The following CFAP20DC variants were observed in gnomAD, a reference collection of about 807,000 sequenced individuals.
CFAP20DC encodes the protein CFAP20 domain containing.
Under a neutral mutation model 101.7 loss-of-function variants are expected in CFAP20DC, and 84 were observed. The ratio of observed to expected loss-of-function variants is 0.83; its 90% CI spans 0.69 to 0.99. The LOEUF (loss-of-function observed/expected upper bound fraction) is 0.99. CFAP20DC is among the 50% of genes least tolerant of loss of function. The pLI, the probability that CFAP20DC is intolerant of heterozygous loss-of-function variation, is 0.00. For synonymous variants in CFAP20DC, 359 were observed against 351.2 expected (o/e 1.02, Z -0.25); for missense variants, 1,007 against 970.3 (o/e 1.04, Z -0.50).
At chr3:58,736,276 G>A (rs182835224) in intron 3 of CFAP20DC, among the ~76,000 whole-genome samples, 1 of 152,252 alleles carries the variant, frequency 6.6e-6, no homozygotes, top group East Asian at 1.9e-4. Flanking sequence ...AACTGAGTTG[G>A]CTAAAAGGTT....
chr3:58,851,898 T>C (rs1228931360), intron 12 of CFAP20DC, among the ~76,000 whole-genome samples: 1 of 152,174 alleles, frequency 6.6e-6, no homozygotes, highest in Non-Finnish European at 1.5e-5. Context: ...AGTAGGAGCA[T>C]TGTCGTGGTG....
chr3:58,981,679 T>A (rs181938473), intron 4 of CFAP20DC, among the ~76,000 whole-genome samples: 2 of 152,316 alleles, frequency 1.3e-5, no homozygotes, highest in African/African-American at 4.8e-5. Flanking sequence ...ACTGGATCAC[T>A]TCCTTACACC....
rs184354688 is a variant in CFAP20DC at position 58,807,213 on chromosome 3, T to G, written c.2176-757A>C. The stretch of plus-strand genomic sequence containing the variant: ...TGTCTGACAGCTTTGAAGAGAGCAG[T>G]GGTTCTCCCAGCACGCAGCTGGAGA... On this transcript the variant is annotated intron_variant, in intron 14 of 16. Coordinates refer to ENST00000482387, the MANE Select transcript of CFAP20DC (RefSeq NM_001394063.1). 8.0e-3 allele frequency among the ~76,000 whole-genome samples: 1,215 copies of G among 152,294 alleles called. 17 individuals are homozygous for G. The highest frequency in any genetic ancestry group is 0.028 in the African/African-American group (1,161 of 41,556).
chr3:58,772,657 C>G (rs1209100580), intron 15 of CFAP20DC, among the ~76,000 whole-genome samples: 1 of 152,088 alleles, frequency 6.6e-6, no homozygotes, highest in Non-Finnish European at 1.5e-5. Flanking sequence ...TCTACAGCAA[C>G]AAAGAGCTGG....
At chr3:58,883,917 G>A (rs1242504957) in intron 7 of CFAP20DC, among the ~76,000 whole-genome samples, 1 of 152,112 alleles carries the variant, frequency 6.6e-6, no homozygotes, top group Non-Finnish European at 1.5e-5. Flanking sequence ...TCATTAATTT[G>A]GTCAACAGCT....
chr3:59,022,758 C>A (rs2093826138), intron 4 of CFAP20DC, among the ~76,000 whole-genome samples: 1 of 151,984 alleles, frequency 6.6e-6, no homozygotes, highest in Admixed American at 6.6e-5. Flanking sequence ...CTAATGTGTT[C>A]TAATAAACAA....
In CFAP20DC at chr3:58,790,158, G is replaced by A. The variant is rs940018341; in HGVS notation, c.2237+16237C>T. Among the ~76,000 whole-genome samples the A allele has an allele frequency of 5.9e-5, 9 of 152,226 alleles. No individual in the cohort carries two copies. In the East Asian group the frequency reaches 9.6e-4, roughly 16 times the overall value. ...CCCACCTGGGTCAAGAGGTAAAAGCGTCCCTTCCTCCTTCTTCTAATTATT... is the reference window on the plus strand; with the variant it reads ...CCCACCTGGGTCAAGAGGTAAAAGCATCCCTTCCTCCTTCTTCTAATTATT... On this transcript the variant is annotated intron_variant, in intron 15 of 16. Transcript: ENST00000482387.
At chr3:58,860,667 A>C (rs2079172333) in intron 12 of CFAP20DC, among the ~76,000 whole-genome samples, 1 of 152,244 alleles carries the variant, frequency 6.6e-6, no homozygotes, top group African/African-American at 2.4e-5. Context: ...AAATATTAAC[A>C]TAAGGCTAAT....
intron 4 of CFAP20DC, among the ~76,000 whole-genome samples, chr3:59,037,435 T>TA (rs534904847): frequency 0.078 from 9,634 of 124,098 alleles, 281 homozygotes; most frequent in Middle Eastern, 0.11. Context: ...CAATTTACAA[T>TA]AAAAAAAAAA....
chr3:58,967,589 A>G (rs2091658623), intron 4 of CFAP20DC, among the ~76,000 whole-genome samples: 1 of 152,228 alleles, frequency 6.6e-6, no homozygotes, highest in Admixed American at 6.5e-5. Flanking sequence ...GAATGGGAGG[A>G]AATTTTTACA....
At chr3:58,908,106 G>GA (rs1438559792) in intron 6 of CFAP20DC, among the ~76,000 whole-genome samples, 1 of 151,946 alleles carries the variant, frequency 6.6e-6, no homozygotes, top group Non-Finnish European at 1.5e-5. Flanking sequence ...AAAATTATAA[G>GA]AAAAAAATCA....
In CFAP20DC at chr3:58,859,933, C is replaced by T. The variant is rs62252894; in HGVS notation, c.1593+3625G>A. On this transcript the variant is annotated intron_variant, in intron 12 of 16. Coordinates refer to ENST00000482387, the MANE Select transcript of CFAP20DC (RefSeq NM_001394063.1). This position sits in a 1 kb window ranked among gnomAD's most constrained non-coding sequence, Gnocchi z 4.1. ...ATGGCTCATGCCTGTAATCCCAGCACTTTCGGAAGCCGAGGCAGGCAGATC... is the reference window on the plus strand; with the variant it reads ...ATGGCTCATGCCTGTAATCCCAGCATTTTCGGAAGCCGAGGCAGGCAGATC... Among the ~76,000 whole-genome samples the T allele has an allele frequency of 6.2e-3, 947 of 152,180 alleles. 9 individuals are homozygous for T. The highest frequency in any genetic ancestry group is 0.01 in the Non-Finnish European group (711 of 68,008).
At chr3:58,777,430 T>G (rs2071434506) in intron 15 of CFAP20DC, among the ~76,000 whole-genome samples, 1 of 152,178 alleles carries the variant, frequency 6.6e-6, no homozygotes, top group Non-Finnish European at 1.5e-5. Flanking sequence ...TTTGGCAAAA[T>G]AAACTTCCTA....
intron 14 of CFAP20DC, among the ~76,000 whole-genome samples, chr3:58,818,613 C>T (rs1449402068): frequency 2.3e-4 from 34 of 145,740 alleles, no homozygotes; most frequent in African/African-American, 8.5e-4. Context: ...TATATGCACC[C>T]AATACAGGAG....
rs1050842672 is a variant in CFAP20DC, at chr3:58,728,240, C to T, written c.198-10612G>A. ...GTAACATGTTATTATAATTAAATAA[C>T]GTAATAATGTAATGGGACTGCCTTG... On this transcript the variant is annotated intron_variant, in intron 3 of 3. Coordinates refer to the CFAP20DC transcript ENST00000486145. This position sits in a 1 kb window ranked among gnomAD's most constrained non-coding sequence, Gnocchi z 4.7. 5.3e-5 allele frequency: 8 copies of T among 152,270 alleles called. No individual in the cohort carries two copies. In the East Asian group the frequency reaches 9.6e-4, roughly 18 times the overall value. The allele number at this position is 152,270 out of a possible 1,614,324, so 9.4% of individuals were successfully genotyped here. A position where few individuals can be genotyped will look rare whatever the true frequency, so the allele number is the denominator to read the frequency against.
chr3:58,939,485 G>A (rs976625725), intron 4 of CFAP20DC, among the ~76,000 whole-genome samples: 2 of 152,078 alleles, frequency 1.3e-5, no homozygotes, highest in African/African-American at 4.8e-5. Flanking sequence ...TTGAGACAGA[G>A]TCTAGCTCTG....
intron 12 of CFAP20DC, among the ~76,000 whole-genome samples, chr3:58,858,352 T>C (rs186846504): frequency 1.0e-3 from 157 of 152,290 alleles, no homozygotes; most frequent in Non-Finnish European, 1.4e-3. Flanking sequence ...ATGAGAATGA[T>C]TTCCCCAAGG....
chr3:58,889,903 A>G (rs1235180630), intron 6 of CFAP20DC, among the ~76,000 whole-genome samples: 10 of 126,482 alleles, frequency 7.9e-5, no homozygotes, highest in Non-Finnish European at 1.3e-4. Context: ...CCAAGGCAGA[A>G]GAATTTTTCT....
intron 4 of CFAP20DC, among the ~76,000 whole-genome samples, chr3:59,011,285 C>G (rs1388472642): frequency 6.6e-6 from 1 of 151,948 alleles, no homozygotes; most frequent in Non-Finnish European, 1.5e-5. Flanking sequence ...GTAGTCCCAG[C>G]TACTCGGGAG....
Sources: gnomAD v4.1 joint callset for allele counts (sites outside exome capture counted in the v4.1 genomes callset) on GRCh38, gnomAD v4.1.1 for gene constraint, Gnocchi (gnomAD v3.1) non-coding constraint, MANE v1.5 for transcripts, NCBI Gene and HGNC (gene_info 2026-07-23, HGNC 2026-07-21) for gene names.